RHOJ: variants seen among roughly 807,000 people sequenced by gnomAD.
RHOJ encodes rho-related GTP-binding protein RhoJ.
Under a neutral mutation model 23.4 loss-of-function variants are expected in RHOJ, and 11 were observed. That is an observed-to-expected ratio of 0.47 (90% CI 0.30 to 0.78). The LOEUF (loss-of-function observed/expected upper bound fraction) is 0.78. Among genes scored for constraint, RHOJ ranks in the 30% least tolerant of loss-of-function variants. The pLI is 0.08. For missense variants in RHOJ, 254 were observed against 273.4 expected (o/e 0.93, Z 0.50); for synonymous variants, 102 against 102.7 (o/e 0.99, Z 0.04).
chr14:63,220,269 A>G (rs1285289748), intron 1 of RHOJ, among the ~76,000 whole-genome samples: 3 of 152,080 alleles, frequency 2.0e-5, no homozygotes, highest in Admixed American at 6.6e-5. Context: ...ATTCATTAGT[A>G]TCCTCTCTTT....
At chr14:63,239,772 A>C (rs1894852102) in intron 1 of RHOJ, among the ~76,000 whole-genome samples, 2 of 152,216 alleles carry the variant, frequency 1.3e-5, no homozygotes, top group African/African-American at 4.8e-5. Flanking sequence ...GGACAGACTT[A>C]AGGAAGCAGA....
chr14:63,206,801 A>G (rs922902733), intron 1 of RHOJ, among the ~76,000 whole-genome samples: 1 of 152,234 alleles, frequency 6.6e-6, no homozygotes, highest in Non-Finnish European at 1.5e-5. Flanking sequence ...AAAGCATCTT[A>G]AAGATTTCGG....
At chr14:63,284,801 A>T (rs1441910223) in intron 4 of RHOJ, among the ~76,000 whole-genome samples, 1 of 152,194 alleles carries the variant, frequency 6.6e-6, no homozygotes, top group Non-Finnish European at 1.5e-5. Context: ...TCATGCCGTC[A>T]GCTTCCTAGC....
At chr14:63,246,937 T>A (rs1894985960) in intron 1 of RHOJ, among the ~76,000 whole-genome samples, 1 of 152,168 alleles carries the variant, frequency 6.6e-6, no homozygotes, top group African/African-American at 2.4e-5. Context: ...CAGCCCTTAG[T>A]GGAAATAGGG....
At chr14:63,259,209 T>A (rs1345521097) in intron 1 of RHOJ, among the ~76,000 whole-genome samples, 1 of 152,168 alleles carries the variant, frequency 6.6e-6, no homozygotes, top group African/African-American at 2.4e-5. Context: ...TGCTTTTAAA[T>A]GCACAGAAAT....
intron 1 of RHOJ, among the ~76,000 whole-genome samples, chr14:63,227,438 A>C (rs1041839187): frequency 1.3e-5 from 2 of 152,244 alleles, no homozygotes; most frequent in African/African-American, 2.4e-5. Flanking sequence ...ACATACGAAT[A>C]TAACAAAGAT....
intron 1 of RHOJ, among the ~76,000 whole-genome samples, chr14:63,210,578 C>T (rs1305449496): frequency 1.3e-5 from 2 of 152,176 alleles, no homozygotes; most frequent in Non-Finnish European, 2.9e-5. Context: ...GATGACTCAA[C>T]GCGTCCCAAC....
At chr14:63,283,765 A>T (rs975200542) in intron 4 of RHOJ, among the ~76,000 whole-genome samples, 1 of 152,252 alleles carries the variant, frequency 6.6e-6, no homozygotes, top group African/African-American at 2.4e-5. Context: ...TGGGGATCTA[A>T]GTGGCTGTTT....
At position 63,269,150 on chromosome 14, in the gene RHOJ, G is replaced by A. The variant is rs1352918367; in HGVS notation, c.219G>A (p.Leu73=). 1 of 1,612,994 alleles carries A rather than the reference G, an allele frequency of 6.2e-7. No homozygotes were observed. The change falls in exon 2 of 5, where the codon CTG becomes CTA. Residue 73 remains leucine, a synonymous_variant. Coordinates refer to ENST00000316754, the MANE Select transcript of RHOJ (RefSeq NM_020663.5). The part of the protein sequence containing the change: ...TVGGKQHLLG[L]YDTAGQEDYN... ...GAGGCAAGCAACACTTGCTCGGACT[G>A]TATGACACCGCGGGACAGGTACATT...
At chr14:63,212,352 G>T (rs1425629095) in intron 1 of RHOJ, among the ~76,000 whole-genome samples, 1 of 152,150 alleles carries the variant, frequency 6.6e-6, no homozygotes, top group Non-Finnish European at 1.5e-5. Context: ...ATCAGACTCT[G>T]TGGCCACCAA....
rs1894071084 is a variant in RHOJ at position 63,204,858 on chromosome 14, G to A, written c.-12G>A. 1.9e-6 allele frequency: 3 copies of A among 1,607,776 alleles called. No homozygotes were observed. Among genetic ancestry groups the A allele is most frequent in the Admixed American group, 1.7e-5 (1 of 58,788 alleles). On this transcript the variant is annotated 5_prime_UTR_variant, in exon 1 of 5. Transcript: ENST00000316754. The stretch of plus-strand genomic sequence containing the variant: ...ATAGCAGCAGGAGTCCCCAGCAGCT[G>A]GAGCCGCAAGAATGAACTGCAAAGA...
chr14:63,261,874 C>G (rs1895279221), intron 1 of RHOJ, among the ~76,000 whole-genome samples: 1 of 152,178 alleles, frequency 6.6e-6, no homozygotes, highest in South Asian at 2.1e-4. Context: ...CGCATGAAAG[C>G]TGTGTTTTTA....
Position 63,237,816 on chromosome 14 carries a change from T to A in RHOJ, c.179-31294T>A, listed in dbSNP as rs192862325. Among the ~76,000 whole-genome samples the A allele has an allele frequency of 7.8e-3, 1,190 of 151,720 alleles. 16 individuals are homozygous for A. Among genetic ancestry groups the A allele is most frequent in the African/African-American group, 0.026 (1,092 of 41,324 alleles). ...AATCGGTGTGGATCGTCAGACTATC[T>A]CCATCACACCTGGTCTTGTTATCAC... On this transcript the variant is annotated intron_variant, in intron 1 of 4. Coordinates refer to ENST00000316754, the MANE Select transcript of RHOJ (RefSeq NM_020663.5).
intron 1 of RHOJ, among the ~76,000 whole-genome samples, chr14:63,256,456 C>T (rs578094816): frequency 2.2e-4 from 34 of 152,154 alleles, no homozygotes; most frequent in African/African-American, 8.0e-4. Flanking sequence ...GAGGGAGAGG[C>T]GTAAGCTTCA....
In RHOJ at chr14:63,287,611, T is replaced by A. The variant is rs200717149; in HGVS notation, c.499-3267T>A. On this transcript the variant is annotated intron_variant, in intron 4 of 4. Coordinates refer to ENST00000316754, the MANE Select transcript of RHOJ (RefSeq NM_020663.5). Reference sequence around the variant, plus strand: ...ATTAGTCATTACGGTTTTTTTTTTTTTTTCTTATCACTCTTGTATCTTCTG... The same window carrying A: ...ATTAGTCATTACGGTTTTTTTTTTTATTTCTTATCACTCTTGTATCTTCTG... 3.0e-3 allele frequency among the ~76,000 whole-genome samples: 456 copies of A among 152,250 alleles called. 12 individuals are homozygous for A. In the East Asian group the frequency reaches 0.047, roughly 16 times the overall value.
rs1881880991 is a variant in RHOJ, at chr14:63,281,051, C to T, written c.318C>T (p.Ala106=). Residue 106 remains alanine, a synonymous_variant, in exon 3 of 5, where the codon GCC becomes GCT. Transcript: ENST00000316754. The part of the protein sequence containing the change: ...FLICFSVVNP[A]SYHNVQEEWV... Reference sequence around the variant, plus strand: ...TCTGCTTCTCTGTCGTAAACCCTGCCTCTTACCACAATGTCCAGGAGGAAT... The same window carrying T: ...TCTGCTTCTCTGTCGTAAACCCTGCTTCTTACCACAATGTCCAGGAGGAAT... 2 of 1,614,148 alleles carry T rather than the reference C, an allele frequency of 1.2e-6. No homozygotes were observed. The highest frequency in any genetic ancestry group is 1.7e-6 in the Non-Finnish European group (2 of 1,180,012).
intron 1 of RHOJ, among the ~76,000 whole-genome samples, chr14:63,248,563 C>T (rs1292771864): frequency 6.6e-6 from 1 of 152,080 alleles, no homozygotes; most frequent in Non-Finnish European, 1.5e-5. Context: ...GGAATTTGGC[C>T]CTTAATAGAA....
At chr14:63,239,401 T>C (rs1283028676) in intron 1 of RHOJ, among the ~76,000 whole-genome samples, 3 of 152,176 alleles carry the variant, frequency 2.0e-5, no homozygotes, top group Non-Finnish European at 4.4e-5. Flanking sequence ...CATGAGCCAC[T>C]GCACCCGGCC....
intron 1 of RHOJ, among the ~76,000 whole-genome samples, chr14:63,224,457 G>T (rs1894553199): frequency 1.3e-5 from 2 of 152,240 alleles, no homozygotes; most frequent in South Asian, 4.2e-4. Context: ...TTGGGGGGAG[G>T]GGGATCGGCA....
Sources: allele counts gnomAD v4.1 joint callset (sites outside exome capture counted in the v4.1 genomes callset), GRCh38; gene constraint gnomAD v4.1.1; transcripts MANE v1.5; gene names NCBI Gene and HGNC (gene_info 2026-07-23, HGNC 2026-07-21).